NALCN: variants seen among roughly 807,000 people sequenced by gnomAD.
The protein encoded by NALCN is sodium leak channel, non-selective, also known as sodium leak channel NALCN.
Under a neutral mutation model 225.3 loss-of-function variants are expected in NALCN, and 111 were observed. The ratio of observed to expected loss-of-function variants is 0.49; its 90% CI spans 0.42 to 0.58. The LOEUF (loss-of-function observed/expected upper bound fraction) is 0.58. Among genes scored for constraint, NALCN ranks in the 20% least tolerant of loss-of-function variants. The pLI is 0.00. For missense variants in NALCN, 1,378 were observed against 2,202.4 expected (o/e 0.63, Z 7.49); for synonymous variants, 764 against 769.0 (o/e 0.99, Z 0.11).
At chr13:101,114,943 G>A (rs945424204) in intron 18 of NALCN, among the ~76,000 whole-genome samples, 16 of 152,100 alleles carry the variant, frequency 1.1e-4, no homozygotes, top group African/African-American at 3.6e-4. Context: ...CGTCACATAT[G>A]CCATGCTCCA....
At chr13:101,355,057 C>T (rs2046012205) in intron 6 of NALCN, among the ~76,000 whole-genome samples, 2 of 151,440 alleles carry the variant, frequency 1.3e-5, no homozygotes. Flanking sequence ...TGTAGGGCAC[C>T]TCCCCTCCAC....
intron 9 of NALCN, among the ~76,000 whole-genome samples, chr13:101,287,815 A>G (rs1476251398): frequency 6.6e-6 from 1 of 152,170 alleles, no homozygotes; most frequent in Non-Finnish European, 1.5e-5. Context: ...TGCTTCTGGG[A>G]TTGTTCCATT....
chr13:101,202,325 A>G (rs2040154112), intron 13 of NALCN, among the ~76,000 whole-genome samples: 1 of 152,218 alleles, frequency 6.6e-6, no homozygotes, highest in Non-Finnish European at 1.5e-5. Flanking sequence ...AGGAAAACCA[A>G]TGAAGATGAC....
intron 15 of NALCN, among the ~76,000 whole-genome samples, chr13:101,171,826 T>C (rs2038737320): frequency 6.6e-6 from 1 of 152,202 alleles, no homozygotes; most frequent in Non-Finnish European, 1.5e-5. Context: ...AAACCCAAAC[T>C]TCTTTCCTGC....
Position 101,159,629 on chromosome 13 carries a change from G to A in NALCN, c.1840-14733C>T, listed in dbSNP as rs1031432487. ...GAAGTATACAGCTACAGGTGTCCCAGTAATGACAGCTCTCGACTCTTTCCC... is the reference window on the plus strand; with the variant it reads ...GAAGTATACAGCTACAGGTGTCCCAATAATGACAGCTCTCGACTCTTTCCC... On this transcript the variant is annotated intron_variant, in intron 15 of 43. Coordinates refer to ENST00000251127, the MANE Select transcript of NALCN (RefSeq NM_052867.4). 2.6e-4 allele frequency among the ~76,000 whole-genome samples: 40 copies of A among 152,174 alleles called. 1 individual carries two copies. The highest frequency in any genetic ancestry group is 1.3e-4 in the Admixed American group (2 of 15,282).
At chr13:101,074,918 T>G (rs2033155215) in intron 35 of NALCN, among the ~76,000 whole-genome samples, 1 of 152,178 alleles carries the variant, frequency 6.6e-6, no homozygotes, top group Non-Finnish European at 1.5e-5. Flanking sequence ...TTCAAACATT[T>G]CAGCCTCTTC....
intron 13 of NALCN, among the ~76,000 whole-genome samples, chr13:101,204,262 G>A (rs2040234455): frequency 6.6e-6 from 1 of 152,154 alleles, no homozygotes; most frequent in South Asian, 2.1e-4. Context: ...GATTTAGGAG[G>A]AAATAAAGTT....
chr13:101,397,441 A>G (rs1459154843), intron 2 of NALCN, among the ~76,000 whole-genome samples: 1 of 150,976 alleles, frequency 6.6e-6, no homozygotes, highest in Non-Finnish European at 1.5e-5. Flanking sequence ...TGTTATATGC[A>G]TGCACATATA....
chr13:101,256,182 T>C (rs551158081), intron 11 of NALCN, among the ~76,000 whole-genome samples: 3 of 152,016 alleles, frequency 2.0e-5, no homozygotes, highest in Non-Finnish European at 4.4e-5. Context: ...AGAATTACCC[T>C]GGAATTGTAA....
intron 6 of NALCN, among the ~76,000 whole-genome samples, chr13:101,366,784 T>G (rs2051446139): frequency 6.6e-6 from 1 of 152,216 alleles, no homozygotes; most frequent in Admixed American, 6.5e-5. Context: ...ATGATACATT[T>G]GAAATTTACT....
intron 6 of NALCN, among the ~76,000 whole-genome samples, chr13:101,362,310 T>C (rs985412544): frequency 1.3e-5 from 2 of 152,082 alleles, no homozygotes; most frequent in African/African-American, 4.8e-5. Flanking sequence ...AGAATTAAAA[T>C]ACAGAAGTTT....
chr13:101,237,795 A>G lies in NALCN; in HGVS notation c.1394T>C (p.Val465Ala). ...TTGTGAATGATAAAGATCTGGGTAT[A>G]CATGAAGAGTAGTTCCAATTACGAG... Reference protein sequence around the residue: ...LLLVIGTTLHVYPDLYHSQFT... With the variant: ...LLLVIGTTLHAYPDLYHSQFT... Residue 465 changes from valine to alanine, a missense_variant, in exon 12 of 44, where the codon GTA (valine) becomes GCA (alanine). Physicochemically the swap from Val to Ala is moderately conservative, Grantham distance 64. This residue lies in a region of NALCN where 144 missense variants were observed against 187.7 expected (regional missense o/e 0.77). Coordinates refer to ENST00000251127, the MANE Select transcript of NALCN (RefSeq NM_052867.4). 1 of 1,606,554 alleles carries G rather than the reference A, an allele frequency of 6.2e-7. No homozygotes were observed. The highest frequency in any genetic ancestry group is 8.5e-7 in the Non-Finnish European group (1 of 1,177,006).
intron 7 of NALCN, among the ~76,000 whole-genome samples, chr13:101,301,729 AAGAC>A (rs1237999113): frequency 2.1e-5 from 3 of 145,800 alleles, no homozygotes; most frequent in African/African-American, 2.4e-5. Flanking sequence ...TCAAAAAAAA[AAGAC>A]AAGACAAGAA....
intron 9 of NALCN, 133 bp from the exon 10 acceptor site, chr13:101,284,152 A>G: frequency 1.5e-6 from 1 of 661,718 alleles, no homozygotes; most frequent in East Asian, 3.1e-5. Context: ...GAATGAAGTC[A>G]TTTCAATTAT....
intron 6 of NALCN, among the ~76,000 whole-genome samples, chr13:101,375,187 T>C (rs1465466710): frequency 1.3e-5 from 2 of 152,136 alleles, no homozygotes; most frequent in Non-Finnish European, 2.9e-5. Flanking sequence ...TGTTTACGTA[T>C]CTCTTTATGA....
rs2043674867 is a variant in NALCN, at chr13:101,294,630, GC to G, written c.800-2265del. Among the ~76,000 whole-genome samples the G allele has an allele frequency of 8.3e-5, 12 of 143,770 alleles. No individual in the cohort carries two copies. The South Asian group carries it at 2.7e-3, about 32-fold the overall frequency. 94.3% of individuals were successfully genotyped at this position (143,770 alleles called of 152,430 possible). A position where few individuals can be genotyped will look rare whatever the true frequency, so the allele number is the denominator to read the frequency against. On this transcript the variant is annotated intron_variant, in intron 7 of 43. Coordinates refer to ENST00000251127, the MANE Select transcript of NALCN (RefSeq NM_052867.4). ...GATCACTGCCTTCTGGTCCTGTGAT[GC>G]CGCCAACGTACTGGATATACCAGCA...
chr13:101,186,687 T>C (rs537283931), intron 14 of NALCN, among the ~76,000 whole-genome samples: 1 of 152,162 alleles, frequency 6.6e-6, no homozygotes, highest in Non-Finnish European at 1.5e-5. Flanking sequence ...TTTACCTTTT[T>C]TGTGTTAGAC....
At chr13:101,223,602 C>G (rs984513146) in intron 13 of NALCN, among the ~76,000 whole-genome samples, 2 of 152,242 alleles carry the variant, frequency 1.3e-5, no homozygotes, top group East Asian at 3.9e-4. Flanking sequence ...CTACACATCC[C>G]CTATCGACCT....
chr13:101,256,503 C>T (rs1376773722), intron 11 of NALCN, among the ~76,000 whole-genome samples: 1 of 152,196 alleles, frequency 6.6e-6, no homozygotes, highest in African/African-American at 2.4e-5. Flanking sequence ...GAATTGGTAT[C>T]ACTGTAAATC....
Sources: allele counts gnomAD v4.1 joint callset (sites outside exome capture counted in the v4.1 genomes callset), GRCh38; gene constraint gnomAD v4.1.1; regional missense constraint gnomAD v4.1.1; transcripts MANE v1.5; gene names NCBI Gene and HGNC (gene_info 2026-07-23, HGNC 2026-07-21).